The following PALS2 variants were observed in gnomAD, a reference collection of about 807,000 sequenced individuals.
PALS2 encodes the protein protein PALS2.
A neutral mutation model predicts 61.6 loss-of-function variants in PALS2; 27 were observed. That is an observed-to-expected ratio of 0.44 (90% confidence interval 0.32 to 0.60). The LOEUF (loss-of-function observed/expected upper bound fraction) is 0.60. Among genes scored for constraint, PALS2 ranks in the 20% least tolerant of loss-of-function variants. The pLI, the probability that PALS2 is intolerant of heterozygous loss-of-function variation, is 0.05. For synonymous variants in PALS2, 236 were observed against 218.6 expected (o/e 1.08, Z -0.70); for missense variants, 554 against 639.4 (o/e 0.87, Z 1.44).
intron 2 of PALS2, among the ~76,000 whole-genome samples, chr7:24,640,650 C>A (rs943653582): frequency 1.3e-5 from 2 of 152,078 alleles, no homozygotes; most frequent in Non-Finnish European, 2.9e-5. Flanking sequence ...AAGTTGGAGC[C>A]GCTTAGTGTT....
chr7:24,591,849 G>A (rs1783299854), intron 1 of PALS2, among the ~76,000 whole-genome samples: 1 of 151,966 alleles, frequency 6.6e-6, no homozygotes, highest in Non-Finnish European at 1.5e-5. Flanking sequence ...TCTTATGCCT[G>A]AACAAAGCTT....
chr7:24,611,270 G>A (rs1436756767), intron 1 of PALS2, among the ~76,000 whole-genome samples: 1 of 151,888 alleles, frequency 6.6e-6, no homozygotes, highest in Non-Finnish European at 1.5e-5. Context: ...TACCGTAAAA[G>A]CTTGCCATTT....
chr7:24,624,610 T>C (rs950609577), intron 2 of PALS2, among the ~76,000 whole-genome samples: 47 of 142,218 alleles, frequency 3.3e-4, no homozygotes, highest in African/African-American at 1.2e-3. Flanking sequence ...TTCTTCTTTT[T>C]TTTTTTTTTT....
At chr7:24,663,374 G>A in intron 5 of PALS2, 1 of 355,446 alleles carries the variant, frequency 2.8e-6, no homozygotes. Context: ...TTTAAAGTTA[G>A]ATATTAAAGT....
At chr7:24,586,668 A>G (rs1329838753) in intron 1 of PALS2, among the ~76,000 whole-genome samples, 1 of 152,226 alleles carries the variant, frequency 6.6e-6, no homozygotes. Flanking sequence ...ATAGAAAATC[A>G]TGTTTTTCTA....
intron 1 of PALS2, among the ~76,000 whole-genome samples, chr7:24,590,477 A>G (rs1325846639): frequency 6.6e-6 from 1 of 152,096 alleles, no homozygotes; most frequent in Non-Finnish European, 1.5e-5. Flanking sequence ...TGAACTAGGC[A>G]GGTAGGTATA....
In PALS2 at chr7:24,691,403, G is replaced by GTATA. The variant is rs1198045237; in HGVS notation, c.*3790_*3791insATAT. 10 of 108,072 alleles carry GTATA rather than the reference G, an allele frequency of 9.3e-5. No homozygotes were observed. Among genetic ancestry groups the GTATA allele is most frequent in the South Asian group, 3.2e-4 (1 of 3,080 alleles). The allele number at this position is 108,072 out of a possible 1,614,324, so 6.7% of individuals were successfully genotyped here. A position where few individuals can be genotyped will look rare whatever the true frequency, so the allele number is the denominator to read the frequency against. On this transcript the variant is annotated 3_prime_UTR_variant, in exon 12 of 12. Transcript: ENST00000222644. ...ATATATTATGTATGTGTGTGTGTGT[G>GTATA]TGTATATATATATATATATATATAT...
chr7:24,635,590 A>G (rs929014256), intron 2 of PALS2, among the ~76,000 whole-genome samples: 2 of 152,134 alleles, frequency 1.3e-5, no homozygotes, highest in Non-Finnish European at 2.9e-5. Context: ...TGTTAAATAG[A>G]AGTGATGAGA....
At chr7:24,662,763 C>A (rs1334208296) in intron 5 of PALS2, among the ~76,000 whole-genome samples, 2 of 94,048 alleles carry the variant, frequency 2.1e-5, no homozygotes, top group Admixed American at 3.1e-4. Flanking sequence ...AGTGAGACTC[C>A]ATCTGAAAAA....
chr7:24,650,394 A>G, intron 4 of PALS2, 91 bp from the exon 5 acceptor site: 2 of 1,032,088 alleles, frequency 1.9e-6, no homozygotes, highest in East Asian at 2.6e-5. Context: ...CATTTTACCT[A>G]GTTTTAGAAT....
chr7:24,659,277 CT>C (rs1453660026), intron 5 of PALS2, among the ~76,000 whole-genome samples: 3 of 152,126 alleles, frequency 2.0e-5, no homozygotes, highest in African/African-American at 7.2e-5. Context: ...GATTTCATAT[CT>C]TTGCTGTTGT....
intron 1 of PALS2, among the ~76,000 whole-genome samples, chr7:24,607,513 ATG>A (rs1491180652): frequency 6.6e-6 from 1 of 151,566 alleles, no homozygotes; most frequent in African/African-American, 2.4e-5. Flanking sequence ...GTGTATATAT[ATG>A]TGTATATATG....
intron 2 of PALS2, chr7:24,624,072 A>G (rs897637930): frequency 3.5e-5 from 47 of 1,340,442 alleles, no homozygotes; most frequent in Non-Finnish European, 4.5e-5. Context: ...GGCCTGTGAA[A>G]AAGATCCTGA....
Position 24,596,379 on chromosome 7 carries a change from G to A in PALS2, c.-3+22786G>A, listed in dbSNP as rs1783524206. Among the ~76,000 whole-genome samples, 1 of 152,022 alleles carries A rather than the reference G, an allele frequency of 6.6e-6. No individual in the cohort carries two copies. The highest frequency in any genetic ancestry group is 1.5e-5 in the Non-Finnish European group (1 of 68,002). ...TCTGTTATGAATTCTAGGTATTTTTGTAAGTATATATATAAAGTATTATTT... is the reference window on the plus strand; with the variant it reads ...TCTGTTATGAATTCTAGGTATTTTTATAAGTATATATATAAAGTATTATTT... On this transcript the variant is annotated intron_variant, in intron 1 of 11. Coordinates refer to ENST00000222644, the MANE Select transcript of PALS2 (RefSeq NM_001303037.2). This position sits in a 1 kb window ranked among gnomAD's most constrained non-coding sequence, Gnocchi z 4.5.
At chr7:24,600,241 C>T (rs1329137326) in intron 1 of PALS2, among the ~76,000 whole-genome samples, 1 of 152,118 alleles carries the variant, frequency 6.6e-6, no homozygotes, top group African/African-American at 2.4e-5. Flanking sequence ...CTGCTAAACC[C>T]TTCACTGTAC....
chr7:24,624,411 A>T (rs919127965), intron 2 of PALS2, among the ~76,000 whole-genome samples: 1 of 152,072 alleles, frequency 6.6e-6, no homozygotes, highest in African/African-American at 2.4e-5. Flanking sequence ...TCTATGCCAC[A>T]TGCCTTCTTT....
intron 1 of PALS2, among the ~76,000 whole-genome samples, chr7:24,593,764 G>A (rs1783391375): frequency 6.6e-6 from 1 of 152,068 alleles, no homozygotes; most frequent in African/African-American, 2.4e-5. Flanking sequence ...GTAAACCGAA[G>A]TGCTGTCATC....
chr7:24,613,359 T>C (rs1416756495), intron 1 of PALS2, among the ~76,000 whole-genome samples: 1 of 151,824 alleles, frequency 6.6e-6, no homozygotes, highest in African/African-American at 2.4e-5. Context: ...ATTTTTAAAA[T>C]AAAGTTGTTC....
At chr7:24,620,675 A>G (rs915530780) in intron 1 of PALS2, among the ~76,000 whole-genome samples, 1 of 152,168 alleles carries the variant, frequency 6.6e-6, no homozygotes, top group Non-Finnish European at 1.5e-5. Context: ...CTGACTAAAC[A>G]TTTGATAACA....
Sources: allele counts gnomAD v4.1 joint callset (sites outside exome capture counted in the v4.1 genomes callset), GRCh38; gene constraint gnomAD v4.1.1; non-coding constraint Gnocchi (gnomAD v3.1); transcripts MANE v1.5; gene names NCBI Gene and HGNC (gene_info 2026-07-23, HGNC 2026-07-21).